The following MYRIP variants were observed in gnomAD, a reference collection of about 807,000 sequenced individuals.
MYRIP encodes myosin VIIA and Rab interacting protein, also known as rab effector MyRIP.
A neutral mutation model predicts 98.0 loss-of-function variants in MYRIP; 49 were observed. The ratio of observed to expected loss-of-function variants is 0.50; its 90% CI spans 0.40 to 0.63. The LOEUF is 0.63. Ranked by LOEUF, MYRIP falls within the 30% of genes least tolerant of loss-of-function variation. MYRIP has a pLI of 0.00. For missense variants in MYRIP, 1,004 were observed against 1,058.2 expected (o/e 0.95, Z 0.71); for synonymous variants, 404 against 409.5 (o/e 0.99, Z 0.16).
At chr3:39,974,889 G>A (rs1050096333) in intron 2 of MYRIP, among the ~76,000 whole-genome samples, 3 of 152,044 alleles carry the variant, frequency 2.0e-5, no homozygotes, top group Non-Finnish European at 2.9e-5. Context: ...AGGTATGGAT[G>A]GGACGTATCT....
chr3:39,932,549 T>A (rs746569830), intron 2 of MYRIP, among the ~76,000 whole-genome samples: 3 of 151,744 alleles, frequency 2.0e-5, no homozygotes, highest in East Asian at 1.9e-4. Flanking sequence ...TTTTGGGGGT[T>A]TTTTTTGGTT....
intron 12 of MYRIP, among the ~76,000 whole-genome samples, chr3:40,243,736 T>A (rs1953098608): frequency 6.6e-6 from 1 of 152,218 alleles, no homozygotes; most frequent in Non-Finnish European, 1.5e-5. Context: ...GATTTCACCT[T>A]GCTCACTTTT....
Position 39,944,715 on chromosome 3 carries a change from CAT to C in MYRIP, c.110+43790_110+43791del, listed in dbSNP as rs1944860052. On this transcript the variant is annotated intron_variant, in intron 2 of 16. Transcript: ENST00000302541. The stretch of plus-strand genomic sequence containing the variant: ...ATTTGCAAATGGAAGCTAAGAAACA[CAT>C]GCTTGTGTGATATTGTTAGATGAAT... 2.6e-5 allele frequency among the ~76,000 whole-genome samples: 4 copies of C among 152,232 alleles called. No individual in the cohort carries two copies. The South Asian group carries it at 8.3e-4, about 32-fold the overall frequency.
At chr3:39,950,939 G>C (rs905852700) in intron 2 of MYRIP, among the ~76,000 whole-genome samples, 1 of 152,084 alleles carries the variant, frequency 6.6e-6, no homozygotes, top group African/African-American at 2.4e-5. Context: ...TTGTATTCAG[G>C]TTTAGTGCTC....
intron 1 of MYRIP, among the ~76,000 whole-genome samples, chr3:39,885,549 G>T (rs1002713592): frequency 3.9e-5 from 6 of 152,064 alleles, no homozygotes; most frequent in African/African-American, 7.2e-5. Context: ...GGCCTGCCTT[G>T]CTAGATTGGG....
chr3:39,969,040 C>T (rs961859135), intron 2 of MYRIP, among the ~76,000 whole-genome samples: 1 of 152,182 alleles, frequency 6.6e-6, no homozygotes, highest in Admixed American at 6.5e-5. Context: ...AGATCTTTCA[C>T]CTCCCTGGTT....
Position 40,259,969 on chromosome 3 carries a change from AAAC to A in MYRIP, c.*1809_*1811del, listed in dbSNP as rs2125737250. 1 of 147,712 alleles carries A rather than the reference AAAC, an allele frequency of 6.8e-6. No homozygotes were observed. Among genetic ancestry groups the A allele is most frequent in the East Asian group, 2.0e-4 (1 of 5,116 alleles). 9.2% of individuals were successfully genotyped at this position (147,712 alleles called of 1,614,324 possible). A position where few individuals can be genotyped will look rare whatever the true frequency, so the allele number is the denominator to read the frequency against. Reference sequence around the variant, plus strand: ...GTACTGTGTAAGCCTTGCAAACAAAAAACAACAAAAAAGAAGCAGCAGCAGCAG... The same window carrying A: ...GTACTGTGTAAGCCTTGCAAACAAAAAACAAAAAAGAAGCAGCAGCAGCAG... On this transcript the variant is annotated 3_prime_UTR_variant, in exon 17 of 17. Coordinates refer to ENST00000302541, the MANE Select transcript of MYRIP (RefSeq NM_015460.4).
chr3:40,245,460 A>C (rs371074873), intron 13 of MYRIP, among the ~76,000 whole-genome samples: 208 of 152,000 alleles, frequency 1.4e-3, no homozygotes, highest in Middle Eastern at 6.8e-3. Context: ...CATCCTGGCT[A>C]ACACAGTGAA....
intron 1 of MYRIP, among the ~76,000 whole-genome samples, chr3:39,891,139 A>T (rs749227103): frequency 2.6e-5 from 4 of 152,080 alleles, no homozygotes; most frequent in Non-Finnish European, 5.9e-5. Context: ...AATATAAGGG[A>T]GAAATACTGA....
intron 3 of MYRIP, among the ~76,000 whole-genome samples, chr3:40,074,112 T>C (rs1454921101): frequency 1.3e-5 from 2 of 151,614 alleles, no homozygotes; most frequent in Non-Finnish European, 2.9e-5. Flanking sequence ...TCTTGCTCTG[T>C]CACCCAGGTT....
chr3:40,248,507 T>C (rs1408547886), intron 13 of MYRIP: 1 of 152,236 alleles, frequency 6.6e-6, no homozygotes, highest in Non-Finnish European at 1.5e-5. Flanking sequence ...AGAGAGAAGA[T>C]ACAGGCAAAA....
intron 3 of MYRIP, among the ~76,000 whole-genome samples, chr3:40,093,396 C>G (rs946189245): frequency 1.3e-4 from 20 of 152,240 alleles, no homozygotes; most frequent in African/African-American, 4.3e-4. Context: ...TCAATCCTCT[C>G]TATGGCCTGT....
intron 2 of MYRIP, among the ~76,000 whole-genome samples, chr3:39,959,980 CTT>C (rs149068231): frequency 0.012 from 1,854 of 152,138 alleles, 46 homozygotes; most frequent in African/African-American, 0.041. Context: ...GGAAAAAAGA[CTT>C]TGTTGTGTAT....
chr3:40,153,767 A>G (rs574198111), intron 4 of MYRIP, among the ~76,000 whole-genome samples: 36 of 152,202 alleles, frequency 2.4e-4, no homozygotes, highest in Non-Finnish European at 4.3e-4. Flanking sequence ...GGCATGTGCT[A>G]TGCTCCAGGA....
intron 2 of MYRIP, among the ~76,000 whole-genome samples, chr3:39,925,481 C>T (rs141281661): frequency 3.3e-5 from 5 of 151,976 alleles, no homozygotes; most frequent in Non-Finnish European, 7.4e-5. Flanking sequence ...CCATTGTTCC[C>T]TCCTCCTTTT....
chr3:40,158,073 T>A (rs1341212382), intron 4 of MYRIP, among the ~76,000 whole-genome samples: 1 of 152,162 alleles, frequency 6.6e-6, no homozygotes, highest in African/African-American at 2.4e-5. Flanking sequence ...TTCTAGTTCT[T>A]TTAATTGTGA....
intron 3 of MYRIP, among the ~76,000 whole-genome samples, chr3:40,096,092 G>A (rs1429700366): frequency 6.7e-6 from 1 of 149,436 alleles, no homozygotes; most frequent in African/African-American, 2.5e-5. Context: ...TTCTGACCAT[G>A]TCTGTGACTG....
At chr3:40,160,587 C>T (rs1425751599) in intron 4 of MYRIP, among the ~76,000 whole-genome samples, 4 of 152,224 alleles carry the variant, frequency 2.6e-5, no homozygotes, top group Non-Finnish European at 4.4e-5. Flanking sequence ...GCGCCCCTCC[C>T]CCAGCCTCGC....
chr3:40,136,771 C>T (rs1387705546), intron 3 of MYRIP, among the ~76,000 whole-genome samples: 1 of 152,108 alleles, frequency 6.6e-6, no homozygotes, highest in Non-Finnish European at 1.5e-5. Flanking sequence ...GAACAACCTG[C>T]CCTGAATGAC....
Sources: allele counts gnomAD v4.1 joint callset (sites outside exome capture counted in the v4.1 genomes callset), GRCh38; gene constraint gnomAD v4.1.1; transcripts MANE v1.5; gene names NCBI Gene and HGNC (gene_info 2026-07-23, HGNC 2026-07-21).